The following ATP6V1C1 variants were observed in gnomAD, a reference collection of about 807,000 sequenced individuals.
ATP6V1C1 encodes the protein V-type proton ATPase subunit C 1.
Under a neutral mutation model 53.9 loss-of-function variants are expected in ATP6V1C1, and 45 were observed. That is an observed-to-expected ratio of 0.83 (90% CI 0.66 to 1.07). The LOEUF is 1.07. ATP6V1C1 is among the 50% of genes least tolerant of loss of function. The pLI is 0.00. For missense variants in ATP6V1C1, 315 were observed against 440.3 expected, an observed-to-expected ratio of 0.72 and a Z score of 2.55; for synonymous variants, 153 against 155.2, an observed-to-expected ratio of 0.99 and a Z score of 0.11.
At chr8:103,042,488 A>G (rs1817018970) in intron 3 of ATP6V1C1, 81 bp downstream of exon 3, 1 of 1,352,438 alleles carries the variant, frequency 7.4e-7, no homozygotes, top group South Asian at 1.3e-5. Flanking sequence ...TTATTATCAC[A>G]TGTATACTCT....
chr8:103,064,210 A>G (rs1817450874), intron 10 of ATP6V1C1, among the ~76,000 whole-genome samples: 1 of 152,194 alleles, frequency 6.6e-6, no homozygotes, highest in Non-Finnish European at 1.5e-5. Context: ...GAATGTAAAG[A>G]GGTTTTAGAT....
At chr8:103,064,835 T>G (rs1817461217) in intron 11 of ATP6V1C1, 24 bp downstream of exon 11, 1 of 1,603,462 alleles carries the variant, frequency 6.2e-7, no homozygotes, top group South Asian at 1.1e-5. Flanking sequence ...ATTGCCAAAC[T>G]TGGAACTGAA....
chr8:103,038,534 T>C (rs908600278), intron 1 of ATP6V1C1, among the ~76,000 whole-genome samples: 5 of 152,070 alleles, frequency 3.3e-5, no homozygotes, highest in Non-Finnish European at 7.4e-5. Context: ...CTTTCACAGA[T>C]AGAGAGATAT....
At chr8:103,040,269 C>G (rs1816973001) in intron 1 of ATP6V1C1, among the ~76,000 whole-genome samples, 1 of 151,946 alleles carries the variant, frequency 6.6e-6, no homozygotes, top group Non-Finnish European at 1.5e-5. Context: ...CAAAAATTAG[C>G]TGGGTGTGAT....
intron 8 of ATP6V1C1, among the ~76,000 whole-genome samples, chr8:103,058,692 T>C (rs1029475334): frequency 6.6e-6 from 1 of 152,238 alleles, no homozygotes; most frequent in African/African-American, 2.4e-5. Context: ...TTGAAAAATA[T>C]TCACTTTAAT....
Position 103,072,919 on chromosome 8 carries a change from C to A in ATP6V1C1, c.*4172C>A, listed in dbSNP as rs1817609502. ...GATAATGCAAGAAGAAAAAAGCTTTCAAACAAATCAGAAGGCAGTCAACAA... is the reference window on the plus strand; with the variant it reads ...GATAATGCAAGAAGAAAAAAGCTTTAAAACAAATCAGAAGGCAGTCAACAA... On this transcript the variant is annotated 3_prime_UTR_variant, in exon 13 of 13. Transcript: ENST00000518738. The A allele has an allele frequency of 6.6e-6, 1 of 152,206 alleles. No homozygotes were observed. Among genetic ancestry groups the A allele is most frequent in the Admixed American group, 6.5e-5 (1 of 15,282 alleles). The allele number at this position is 152,206 out of a possible 1,614,324, so 9.4% of individuals were successfully genotyped here. A position where few individuals can be genotyped will look rare whatever the true frequency, so the allele number is the denominator to read the frequency against.
At chr8:103,037,013 A>G (rs982455771) in intron 1 of ATP6V1C1, among the ~76,000 whole-genome samples, 2 of 152,234 alleles carry the variant, frequency 1.3e-5, no homozygotes, top group African/African-American at 2.4e-5. Flanking sequence ...TAAAGATGCT[A>G]TTAGATTTTC....
rs1225995175 is a variant in ATP6V1C1, at chr8:103,025,039, G to C, written c.-40+3814G>C. On this transcript the variant is annotated intron_variant, in intron 1 of 12. Transcript: ENST00000518738. ...AGAGTATTAACTGTATATCTAAAAT[G>C]TGGGGTGTGTGTGTGTGTGTCTGTG... 2.0e-5 allele frequency among the ~76,000 whole-genome samples: 3 copies of C among 151,856 alleles called. No individual in the cohort carries two copies. In the East Asian group the frequency reaches 5.8e-4, roughly 29 times the overall value.
rs199545271 is a variant in ATP6V1C1, at chr8:103,023,300, T to TG, written c.-40+2082dup. On this transcript the variant is annotated intron_variant, in intron 1 of 12. Transcript: ENST00000518738. ...TGTGGCTTTTTTTTTTTTTTTTTGG[T>TG]GGGGGGGAGATAATGTGGAGGGTGG... Among the ~76,000 whole-genome samples, 42 of 117,428 alleles carry TG rather than the reference T, an allele frequency of 3.6e-4. No homozygotes were observed. The East Asian group carries it at 8.0e-3, about 22-fold the overall frequency. 77.0% of individuals were successfully genotyped at this position (117,428 alleles called of 152,430 possible).
At chr8:103,042,794 T>G (rs757320185) in intron 3 of ATP6V1C1, among the ~76,000 whole-genome samples, 5 of 152,168 alleles carry the variant, frequency 3.3e-5, no homozygotes, top group Non-Finnish European at 7.3e-5. Context: ...ACCCACAAAT[T>G]GTTCTGCCAC....
At chr8:103,033,550 C>T (rs1221072603) in intron 1 of ATP6V1C1, among the ~76,000 whole-genome samples, 3 of 152,056 alleles carry the variant, frequency 2.0e-5, no homozygotes, top group Non-Finnish European at 4.4e-5. Context: ...ACTTACCGTC[C>T]TGGGCAGTTT....
chr8:103,037,047 C>T (rs550413564), intron 1 of ATP6V1C1, among the ~76,000 whole-genome samples: 15 of 145,722 alleles, frequency 1.0e-4, no homozygotes, highest in East Asian at 6.0e-4. Context: ...TGTTAAAGTT[C>T]GAGACAGTTT....
intron 12 of ATP6V1C1, 93 bp downstream of exon 12, chr8:103,066,540 A>G: frequency 1.5e-6 from 2 of 1,318,688 alleles, no homozygotes; most frequent in South Asian, 3.4e-5. Context: ...GAGGGTAAGT[A>G]TGAAACTTAA....
chr8:103,067,268 G>A (rs1038372030), intron 12 of ATP6V1C1, among the ~76,000 whole-genome samples: 7 of 151,564 alleles, frequency 4.6e-5, no homozygotes, highest in Admixed American at 4.6e-4. Context: ...GCGTGGCAGC[G>A]GTCACCTATA....
At chr8:103,030,489 A>G (rs1191839526) in intron 1 of ATP6V1C1, among the ~76,000 whole-genome samples, 2 of 152,200 alleles carry the variant, frequency 1.3e-5, no homozygotes, top group African/African-American at 4.8e-5. Flanking sequence ...ACCATAAACA[A>G]TTACAAATCT....
intron 1 of ATP6V1C1, among the ~76,000 whole-genome samples, chr8:103,037,999 A>G (rs1816926973): frequency 2.0e-5 from 3 of 152,232 alleles, no homozygotes; most frequent in Admixed American, 2.0e-4. Flanking sequence ...CAATTTGGCA[A>G]TACCCAAAAG....
At chr8:103,051,283 A>G in intron 5 of ATP6V1C1, 139 bp downstream of exon 5, 1 of 621,566 alleles carries the variant, frequency 1.6e-6, no homozygotes, top group Non-Finnish European at 2.7e-6. Context: ...TACAACTTAG[A>G]CATTAAAAGA....
rs1817558086 is a variant in ATP6V1C1, at chr8:103,070,017, C to G, written c.*1270C>G. On this transcript the variant is annotated 3_prime_UTR_variant, in exon 13 of 13. Transcript: ENST00000518738. The stretch of plus-strand genomic sequence containing the variant: ...GGCCCTTTTCTATGTCTTTACATCT[C>G]TGTCTCACACACACACACGTATACA... 6.6e-6 allele frequency: 1 copy of G among 152,192 alleles called. No individual in the cohort carries two copies. The highest frequency in any genetic ancestry group is 6.5e-5 in the Admixed American group (1 of 15,282). 9.4% of individuals were successfully genotyped at this position (152,192 alleles called of 1,614,324 possible).
At chr8:103,036,754 A>G (rs1816905287) in intron 1 of ATP6V1C1, among the ~76,000 whole-genome samples, 1 of 152,172 alleles carries the variant, frequency 6.6e-6, no homozygotes, top group Admixed American at 6.6e-5. Flanking sequence ...AAGTAGTATG[A>G]TAGTGACATC....
Sources: allele counts gnomAD v4.1 joint callset (sites outside exome capture counted in the v4.1 genomes callset), GRCh38; gene constraint gnomAD v4.1.1; transcripts MANE v1.5; gene names NCBI Gene and HGNC (gene_info 2026-07-23, HGNC 2026-07-21).